TRNAU1AP: variants seen among roughly 807,000 people sequenced by gnomAD.
TRNAU1AP encodes tRNA selenocysteine 1 associated protein 1.
Under a neutral mutation model 43.3 loss-of-function variants are expected in TRNAU1AP, and 33 were observed. That is an observed-to-expected ratio of 0.76 (90% CI 0.58 to 1.02). The LOEUF is 1.02. Ranked by LOEUF, TRNAU1AP falls within the 50% of genes least tolerant of loss-of-function variation. TRNAU1AP has a pLI of 0.00. For synonymous variants in TRNAU1AP, 143 were observed against 129.1 expected (o/e 1.11, Z -0.73); for missense variants, 290 against 362.7 (o/e 0.80, Z 1.63).
chr1:28,567,164 C>T (rs1216041861), intron 5 of TRNAU1AP, 130 bp from the exon 6 acceptor site: 5 of 957,148 alleles, frequency 5.2e-6, no homozygotes, highest in South Asian at 1.6e-5. Flanking sequence ...AATGGACTCT[C>T]TCTTTCTCTT....
At chr1:28,561,094 C>G in intron 3 of TRNAU1AP, 1 of 1,382,152 alleles carries the variant, frequency 7.2e-7, no homozygotes, top group Non-Finnish European at 9.4e-7. Flanking sequence ...AAGAGAGTTG[C>G]ATTCTGCTCT....
At chr1:28,561,889 G>T (rs138045396) in intron 4 of TRNAU1AP, among the ~76,000 whole-genome samples, 2 of 152,088 alleles carry the variant, frequency 1.3e-5, no homozygotes, top group Admixed American at 6.6e-5. Context: ...TGGCTAACAC[G>T]GTGAAACCCC....
chr1:28,574,166 C>T (rs1279821280), intron 8 of TRNAU1AP, among the ~76,000 whole-genome samples: 1 of 149,908 alleles, frequency 6.7e-6, no homozygotes, highest in East Asian at 2.0e-4. Flanking sequence ...CAGCTCATTG[C>T]AACCTCTGCC....
chr1:28,575,395 C>T (rs760323340), intron 8 of TRNAU1AP, among the ~76,000 whole-genome samples: 2 of 151,716 alleles, frequency 1.3e-5, no homozygotes, highest in Non-Finnish European at 2.9e-5. Flanking sequence ...CCTCATGATC[C>T]GCCCGCCTCT....
Position 28,567,410 on chromosome 1 carries a change from A to G in TRNAU1AP, c.527A>G (p.Lys176Arg). The change falls in exon 6 of 9, where the codon AAA becomes AGA. Residue 176 changes from lysine to arginine, a missense_variant. Lys to Arg is a conservative substitution (Grantham distance 26). Coordinates refer to ENST00000373830, the MANE Select transcript of TRNAU1AP (RefSeq NM_017846.5). ...KPVRLSVAIP[K>R]ASRVKPVEYS... ...GTGCGGCTGAGCGTGGCAATCCCTA[A>G]AGCGTGAGTCCTGCAGGGAAGGTAG... 6.2e-7 allele frequency: 1 copy of G among 1,604,848 alleles called. No homozygotes were observed. The highest frequency in any genetic ancestry group is 8.5e-7 in the Non-Finnish European group (1 of 1,177,904).
chr1:28,576,677 G>A (rs370625705), intron 8 of TRNAU1AP, among the ~76,000 whole-genome samples: 99 of 152,036 alleles, frequency 6.5e-4, no homozygotes, highest in African/African-American at 2.2e-3. Flanking sequence ...TCGGCTCACC[G>A]CAACCTCCAC....
At position 28,555,878 on chromosome 1, in the gene TRNAU1AP, G is replaced by A. The variant is rs543510888; in HGVS notation, c.125+2141G>A. ...TTTTCTTTTTTTTTTTTTTGAGACG[G>A]AGTCTTGCTCTGTGGCCCAGGCTGG... is the stretch of plus-strand genomic sequence containing the variant. On this transcript the variant is annotated intron_variant, in intron 2 of 8. Coordinates refer to ENST00000373830, the MANE Select transcript of TRNAU1AP (RefSeq NM_017846.5). Among the ~76,000 whole-genome samples the A allele has an allele frequency of 1.3e-3, 185 of 146,292 alleles. 1 individual carries two copies. Among genetic ancestry groups the A allele is most frequent in the Non-Finnish European group, 2.2e-3 (148 of 66,630 alleles).
rs1347375469 is a variant in TRNAU1AP at position 28,554,208 on chromosome 1, A to AC, written c.125+471_125+472insC. 5.4e-4 allele frequency among the ~76,000 whole-genome samples: 79 copies of AC among 145,542 alleles called. 2 individuals are homozygous for AC. The highest frequency in any genetic ancestry group is 2.0e-3 in the African/African-American group (72 of 35,722). ...AGCAAAACAATGTCTCAAAAAAAAAAAAAACAAAAAAACAAAAAACGCAGG... is the reference window on the plus strand; with the variant it reads ...AGCAAAACAATGTCTCAAAAAAAAAACAAAACAAAAAAACAAAAAACGCAGG... On this transcript the variant is annotated intron_variant, in intron 2 of 8. Coordinates refer to ENST00000373830, the MANE Select transcript of TRNAU1AP (RefSeq NM_017846.5).
At chr1:28,568,120 C>T (rs1390503755) in intron 6 of TRNAU1AP, among the ~76,000 whole-genome samples, 4 of 152,120 alleles carry the variant, frequency 2.6e-5, no homozygotes, top group Non-Finnish European at 4.4e-5. Flanking sequence ...GCCGAGATGG[C>T]ATCAGTGCAC....
intron 1 of TRNAU1AP, 156 bp downstream of exon 1, chr1:28,553,293 A>G: frequency 1.1e-6 from 1 of 911,250 alleles, no homozygotes; most frequent in Admixed American, 3.2e-5. Context: ...TCCAGCATCT[A>G]AGTGAAGAGG....
chr1:28,562,564 AT>A (rs898562001), intron 4 of TRNAU1AP, among the ~76,000 whole-genome samples: 2 of 150,092 alleles, frequency 1.3e-5, no homozygotes, highest in Admixed American at 1.3e-4. Flanking sequence ...TAGCAATTTT[AT>A]TTTTCTTTGC....
intron 4 of TRNAU1AP, among the ~76,000 whole-genome samples, chr1:28,562,192 A>G (rs940170938): frequency 3.3e-5 from 5 of 152,244 alleles, no homozygotes; most frequent in African/African-American, 1.2e-4. Context: ...AAAAACATTT[A>G]TATGCATTAA....
At chr1:28,553,958 G>A in intron 2 of TRNAU1AP, 1 of 444,098 alleles carries the variant, frequency 2.3e-6, no homozygotes, top group Admixed American at 3.4e-5. Flanking sequence ...AGCACTTTGG[G>A]AGGCTGAGGT....
Position 28,563,517 on chromosome 1 carries a change from T to A in TRNAU1AP, c.279-1186T>A, listed in dbSNP as rs935213275. ...GGCCAACATGGTGAAACCCCGTCTC[T>A]ACTAAAAATACAAAAAATTAGTTGG... On this transcript the variant is annotated intron_variant, in intron 4 of 8. Transcript: ENST00000373830. Among the ~76,000 whole-genome samples the A allele has an allele frequency of 5.3e-5, 8 of 152,048 alleles. 1 individual carries two copies. Among genetic ancestry groups the A allele is most frequent in the African/African-American group, 1.9e-4 (8 of 41,408 alleles).
At chr1:28,561,098 C>G in intron 3 of TRNAU1AP, 2 of 1,386,002 alleles carry the variant, frequency 1.4e-6, no homozygotes, top group Middle Eastern at 2.7e-4. Flanking sequence ...GAGTTGCATT[C>G]TGCTCTTCCC....
chr1:28,557,649 C>T (rs938945530), intron 2 of TRNAU1AP, among the ~76,000 whole-genome samples: 8 of 151,176 alleles, frequency 5.3e-5, no homozygotes, highest in Non-Finnish European at 7.4e-5. Flanking sequence ...AGTGCAGTGG[C>T]GCAATCTTAG....
At chr1:28,570,108 C>A (rs889722424) in intron 6 of TRNAU1AP, among the ~76,000 whole-genome samples, 1 of 152,070 alleles carries the variant, frequency 6.6e-6, no homozygotes. Context: ...GCCAGGAGTT[C>A]AAGACCACCC....
chr1:28,563,766 C>A (rs943976058), intron 4 of TRNAU1AP, among the ~76,000 whole-genome samples: 1 of 151,838 alleles, frequency 6.6e-6, no homozygotes, highest in East Asian at 1.9e-4. Flanking sequence ...GCAAGAGAAT[C>A]GCTTAAACCC....
intron 3 of TRNAU1AP, 189 bp from the exon 4 acceptor site, chr1:28,561,157 G>A (rs1020159113): frequency 2.1e-6 from 3 of 1,427,000 alleles, no homozygotes; most frequent in Admixed American, 2.7e-5. Context: ...TGGGCTCATA[G>A]AACCATGGAG....
Sources: gnomAD v4.1 joint callset for allele counts (sites outside exome capture counted in the v4.1 genomes callset) on GRCh38, gnomAD v4.1.1 for gene constraint, MANE v1.5 for transcripts, NCBI Gene and HGNC (gene_info 2026-07-23, HGNC 2026-07-21) for gene names.